The following AGAP1 variants were observed in gnomAD, a reference collection of about 807,000 sequenced individuals.
AGAP1 encodes ArfGAP with GTPase domain, ankyrin repeat and PH domain 1.
Under a neutral mutation model 105.3 loss-of-function variants are expected in AGAP1, and 29 were observed. That is an observed-to-expected ratio of 0.28 (90% CI 0.21 to 0.38). The LOEUF (loss-of-function observed/expected upper bound fraction) is 0.38. Among genes scored for constraint, AGAP1 ranks in the 10% least tolerant of loss-of-function variants. The pLI is 1.00. For synonymous variants in AGAP1, 509 were observed against 485.9 expected (o/e 1.05, Z -0.63); for missense variants, 998 against 1,165.1 (o/e 0.86, Z 2.09).
intron 11 of AGAP1, among the ~76,000 whole-genome samples, chr2:235,929,777 C>G (rs2052632740): frequency 6.6e-6 from 1 of 152,202 alleles, no homozygotes; most frequent in African/African-American, 2.4e-5. Context: ...TTTTTTGAAG[C>G]CACTAGTTCT....
At chr2:236,106,784 A>C (rs952363368) in intron 16 of AGAP1, among the ~76,000 whole-genome samples, 4 of 152,120 alleles carry the variant, frequency 2.6e-5, no homozygotes, top group African/African-American at 9.7e-5. Flanking sequence ...GGTCAAGAGG[A>C]CCAGGCAAGG....
intron 16 of AGAP1, among the ~76,000 whole-genome samples, chr2:236,057,180 C>T (rs2058073822): frequency 6.6e-6 from 1 of 152,192 alleles, no homozygotes; most frequent in African/African-American, 2.4e-5. Flanking sequence ...GCAATCTCGG[C>T]TCACTGCAAC....
intron 9 of AGAP1, among the ~76,000 whole-genome samples, chr2:235,869,722 C>T (rs1195832411): frequency 1.3e-5 from 2 of 152,252 alleles, no homozygotes; most frequent in Non-Finnish European, 1.5e-5. Context: ...AGGGCTACAG[C>T]GTCCAAGATC....
At chr2:236,030,851 A>G (rs1258848266) in intron 13 of AGAP1, among the ~76,000 whole-genome samples, 1 of 152,216 alleles carries the variant, frequency 6.6e-6, no homozygotes, top group African/African-American at 2.4e-5. Context: ...ACAGTCAGGC[A>G]AGGGCTGAAA....
intron 6 of AGAP1, among the ~76,000 whole-genome samples, chr2:235,791,991 T>A (rs1479567234): frequency 6.6e-6 from 1 of 152,220 alleles, no homozygotes; most frequent in Admixed American, 6.5e-5. Context: ...TTTAGTCTCA[T>A]GTGAATTTCA....
In AGAP1 at chr2:235,663,325, G is replaced by C. The variant is rs777104822; in HGVS notation, c.164-45854G>C. ...ACTCTGTCTCAAAAAAAAAGAAGGG[G>C]AGCGATCACGTGCATCCCTCTGCTG... On this transcript the variant is annotated intron_variant, in intron 1 of 17. Transcript: ENST00000304032. This position sits in a 1 kb window ranked among gnomAD's most constrained non-coding sequence, Gnocchi z 5.4. Among the ~76,000 whole-genome samples, 1 of 152,108 alleles carries C rather than the reference G, an allele frequency of 6.6e-6. No homozygotes were observed. The highest frequency in any genetic ancestry group is 1.5e-5 in the Non-Finnish European group (1 of 68,012).
In AGAP1 at chr2:236,123,884, C is replaced by G. The variant is rs1313830348; in HGVS notation, c.2371-35C>G. ...CTGCCCCCTCCCTCCATCACATCCC[C>G]CATGATACTAATGTGGGCTCCCTTA... is the stretch of plus-strand genomic sequence containing the variant. On this transcript the variant is annotated intron_variant, in intron 17 of 17. Transcript: ENST00000304032. This position sits in a 1 kb window ranked among gnomAD's most constrained non-coding sequence, Gnocchi z 4.6. The G allele has an allele frequency of 6.2e-7, 1 of 1,610,792 alleles. No homozygotes were observed. The highest frequency in any genetic ancestry group is 1.1e-5 in the South Asian group (1 of 90,930).
intron 1 of AGAP1, among the ~76,000 whole-genome samples, chr2:235,604,541 C>A (rs1452734708): frequency 6.8e-6 from 1 of 147,048 alleles, no homozygotes; most frequent in Non-Finnish European, 1.5e-5. Context: ...CTTTAGGTTG[C>A]ACATTCGTGT....
In AGAP1 at chr2:236,126,355, C is replaced by T. The variant is rs1256337394; in HGVS notation, c.*2233C>T. Reference sequence around the variant, plus strand: ...CACACTCGCTCCACACAGCCTTCACCGTAGACTCTGTAGTGGACACAGATA... The same window carrying T: ...CACACTCGCTCCACACAGCCTTCACTGTAGACTCTGTAGTGGACACAGATA... On this transcript the variant is annotated 3_prime_UTR_variant, in exon 18 of 18. Coordinates refer to ENST00000304032, the MANE Select transcript of AGAP1 (RefSeq NM_001037131.3). 5.9e-5 allele frequency: 9 copies of T among 152,276 alleles called. No homozygotes were observed. Among genetic ancestry groups the T allele is most frequent in the East Asian group, 1.9e-4 (1 of 5,178 alleles). The allele number at this position is 152,276 out of a possible 1,614,324, so 9.4% of individuals were successfully genotyped here. A position where few individuals can be genotyped will look rare whatever the true frequency, so the allele number is the denominator to read the frequency against.
At chr2:235,505,924 CTTTTCTTTTTT>C (rs1286838422) in intron 1 of AGAP1, 8 of 125,656 alleles carry the variant, frequency 6.4e-5, no homozygotes, top group Non-Finnish European at 1.2e-4. Context: ...TTTTAAAATT[CTTTTCTTTTTT>C]TTTTTTTTTT....
chr2:235,949,189 G>A (rs1271373093), intron 12 of AGAP1, among the ~76,000 whole-genome samples: 3 of 152,116 alleles, frequency 2.0e-5, no homozygotes, highest in East Asian at 3.9e-4. Flanking sequence ...ATACATGCAC[G>A]TTGAGTTCCC....
At chr2:235,786,418 A>G (rs1023079273) in intron 6 of AGAP1, among the ~76,000 whole-genome samples, 2 of 152,214 alleles carry the variant, frequency 1.3e-5, no homozygotes, top group African/African-American at 4.8e-5. Flanking sequence ...AAGATCTTTA[A>G]TTTATGCTTT....
At chr2:235,944,672 A>C (rs1386863328) in intron 12 of AGAP1, among the ~76,000 whole-genome samples, 1 of 152,196 alleles carries the variant, frequency 6.6e-6, no homozygotes, top group Non-Finnish European at 1.5e-5. Flanking sequence ...CTGTGTGTCC[A>C]GAGGCACCAC....
chr2:235,747,692 C>T lies in AGAP1; in HGVS notation c.539-2662C>T, dbSNP rs1420672787. On this transcript the variant is annotated intron_variant, in intron 5 of 17. Coordinates refer to ENST00000304032, the MANE Select transcript of AGAP1 (RefSeq NM_001037131.3). This position sits in a 1 kb window ranked among gnomAD's most constrained non-coding sequence, Gnocchi z 5.0. ...GGCTCTGAGGGTCCCTGCCGCGACG[C>T]TTGCTTCCTGCGTGCAGACTTGCTC... is the stretch of plus-strand genomic sequence containing the variant. Among the ~76,000 whole-genome samples the T allele has an allele frequency of 6.6e-6, 1 of 152,240 alleles. No homozygotes were observed. Among genetic ancestry groups the T allele is most frequent in the African/African-American group, 2.4e-5 (1 of 41,472 alleles).
Position 235,609,221 on chromosome 2 carries a change from C to T in AGAP1, c.164-99958C>T, listed in dbSNP as rs1223683454. Reference sequence around the variant, plus strand: ...CTTTCTGAGCACTTTTTCTTGATCACTGATGATGACCGTAAACAAGCTGTG... The same window carrying T: ...CTTTCTGAGCACTTTTTCTTGATCATTGATGATGACCGTAAACAAGCTGTG... On this transcript the variant is annotated intron_variant, in intron 1 of 17. Coordinates refer to ENST00000304032, the MANE Select transcript of AGAP1 (RefSeq NM_001037131.3). This position sits in a 1 kb window ranked among gnomAD's most constrained non-coding sequence, Gnocchi z 5.1. 6.6e-6 allele frequency among the ~76,000 whole-genome samples: 1 copy of T among 152,038 alleles called. No homozygotes were observed. Among genetic ancestry groups the T allele is most frequent in the African/African-American group, 2.4e-5 (1 of 41,380 alleles).
chr2:235,632,197 T>G (rs763338751), intron 1 of AGAP1, among the ~76,000 whole-genome samples: 15 of 152,210 alleles, frequency 9.9e-5, no homozygotes, highest in Non-Finnish European at 2.1e-4. Flanking sequence ...GCCCTGGCAG[T>G]TCAGTGACTT....
Position 235,801,819 on chromosome 2 carries a change from G to A in AGAP1, c.957+2297G>A, listed in dbSNP as rs774822627. ...AGGGGGAGAGCACTCATTCTCAGAC[G>A]CCTTCTGAGGGCCACATTTTCTGCT... On this transcript the variant is annotated intron_variant, in intron 8 of 17. Coordinates refer to ENST00000304032, the MANE Select transcript of AGAP1 (RefSeq NM_001037131.3). This position sits in a 1 kb window ranked among gnomAD's most constrained non-coding sequence, Gnocchi z 6.0. Among the ~76,000 whole-genome samples, 91 of 152,178 alleles carry A rather than the reference G, an allele frequency of 6.0e-4. No homozygotes were observed. The highest frequency in any genetic ancestry group is 8.2e-4 in the Non-Finnish European group (56 of 68,006).
chr2:235,559,213 TGCCACCACAGTTG>T lies in AGAP1; in HGVS notation c.163+64367_163+64379del, dbSNP rs1474259916. On this transcript the variant is annotated intron_variant, in intron 1 of 17. Transcript: ENST00000304032. This position sits in a 1 kb window ranked among gnomAD's most constrained non-coding sequence, Gnocchi z 5.7. ...AAGTGCTGGGATTATAGGCCTGAGC[TGCCACCACAGTTG>T]GCTTGAAGATTTTTTAGAAACTTGC... 1.3e-5 allele frequency among the ~76,000 whole-genome samples: 2 copies of T among 152,210 alleles called. No individual in the cohort carries two copies.
intron 1 of AGAP1, among the ~76,000 whole-genome samples, chr2:235,661,307 C>G (rs982799845): frequency 1.3e-5 from 2 of 151,940 alleles, no homozygotes; most frequent in African/African-American, 2.4e-5. Context: ...TTAAGTGGGA[C>G]GTAATCGAGT....
Sources: allele counts gnomAD v4.1 joint callset (sites outside exome capture counted in the v4.1 genomes callset), GRCh38; gene constraint gnomAD v4.1.1; non-coding constraint Gnocchi (gnomAD v3.1); transcripts MANE v1.5; gene names NCBI Gene and HGNC (gene_info 2026-07-23, HGNC 2026-07-21).